The following ANXA13 variants were observed in gnomAD, a reference collection of about 807,000 sequenced individuals.
The protein encoded by ANXA13 is annexin A13.
A neutral mutation model predicts 46.6 loss-of-function variants in ANXA13; 36 were observed. The observed-to-expected ratio is 0.77, with a 90% CI of 0.59 to 1.02. ANXA13 has a LOEUF of 1.02. ANXA13 is among the 50% of genes least tolerant of loss of function. The pLI is 0.00. For synonymous variants in ANXA13, 163 were observed against 152.9 expected (o/e 1.07, Z -0.49); for missense variants, 417 against 396.5 (o/e 1.05, Z -0.44).
At chr8:123,722,932 G>A (rs1225853511) in intron 1 of ANXA13, among the ~76,000 whole-genome samples, 1 of 152,138 alleles carries the variant, frequency 6.6e-6, no homozygotes, top group Non-Finnish European at 1.5e-5. Context: ...AGTAGAGGAG[G>A]GATCATAGCT....
chr8:123,709,701 C>T (rs1813617869), intron 2 of ANXA13, among the ~76,000 whole-genome samples: 3 of 152,170 alleles, frequency 2.0e-5, no homozygotes, highest in African/African-American at 7.2e-5. Context: ...CTCCTGCAGA[C>T]TTGTCAACAT....
chr8:123,723,633 G>A (rs977358632), intron 1 of ANXA13, among the ~76,000 whole-genome samples: 1 of 152,176 alleles, frequency 6.6e-6, no homozygotes, highest in Non-Finnish European at 1.5e-5. Flanking sequence ...CACGGAAATT[G>A]GCAAGCACCA....
intron 1 of ANXA13, among the ~76,000 whole-genome samples, chr8:123,719,313 C>A (rs999232868): frequency 2.0e-5 from 3 of 152,160 alleles, no homozygotes. Flanking sequence ...ATTTTTCCCT[C>A]TCTTTCTCTT....
At chr8:123,732,979 C>G (rs1050308595) in intron 1 of ANXA13, among the ~76,000 whole-genome samples, 1 of 152,038 alleles carries the variant, frequency 6.6e-6, no homozygotes, top group African/African-American at 2.4e-5. Context: ...TTGGGACCAG[C>G]CTGGGCAACA....
rs1813213287 is a variant in ANXA13, at chr8:123,690,464, GC to G, written c.643-1519del. On this transcript the variant is annotated intron_variant, in intron 8 of 10. Coordinates refer to ENST00000419625, the MANE Select transcript of ANXA13 (RefSeq NM_004306.4). This position sits in a 1 kb window ranked among gnomAD's most constrained non-coding sequence, Gnocchi z 4.6. ...CTCCAGGAGGCGCTATTCACACACTGCAACAAGAAGGTACTGCCCTGTCTGC... is the reference window on the plus strand; with the variant it reads ...CTCCAGGAGGCGCTATTCACACACTGAACAAGAAGGTACTGCCCTGTCTGC... Among the ~76,000 whole-genome samples, 1 of 152,154 alleles carries G rather than the reference GC, an allele frequency of 6.6e-6. No individual in the cohort carries two copies. The highest frequency in any genetic ancestry group is 2.1e-4 in the South Asian group (1 of 4,820).
intron 1 of ANXA13, among the ~76,000 whole-genome samples, chr8:123,731,302 T>C (rs1260558257): frequency 6.6e-6 from 1 of 152,160 alleles, no homozygotes; most frequent in African/African-American, 2.4e-5. Flanking sequence ...TTAGAATCAT[T>C]TGGGGAGTTT....
intron 10 of ANXA13, among the ~76,000 whole-genome samples, chr8:123,682,267 A>T (rs1168245513): frequency 4.6e-5 from 7 of 152,270 alleles, no homozygotes; most frequent in Non-Finnish European, 5.9e-5. Context: ...AGGTGCTAGA[A>T]GTGATGATAG....
intron 1 of ANXA13, chr8:123,735,763 G>T: frequency 1.2e-6 from 2 of 1,611,126 alleles, no homozygotes; most frequent in Non-Finnish European, 8.5e-7. Flanking sequence ...ACAGGCTGTG[G>T]GGCCTCTGGC....
Position 123,712,668 on chromosome 8 carries a change from T to C in ANXA13, c.91+10A>G, listed in dbSNP as rs759997274. The C allele has an allele frequency of 3.7e-6, 6 of 1,613,504 alleles. No individual in the cohort carries two copies. The highest frequency in any genetic ancestry group is 2.7e-5 in the African/African-American group (2 of 74,918). Reference sequence around the variant, plus strand: ...TCAGAAGCAAATTAGCAACAAAATATCTCTCATACCCATTCCTTTGCAGGC... The same window carrying C: ...TCAGAAGCAAATTAGCAACAAAATACCTCTCATACCCATTCCTTTGCAGGC... On this transcript the variant is annotated intron_variant, in intron 2 of 10. Transcript: ENST00000419625.
chr8:123,709,355 C>G (rs1469739252), intron 2 of ANXA13, among the ~76,000 whole-genome samples: 1 of 151,716 alleles, frequency 6.6e-6, no homozygotes, highest in African/African-American at 2.4e-5. Context: ...CTTTCTCTCT[C>G]TTCCTCCTTC....
At chr8:123,731,008 T>A (rs965340792) in intron 1 of ANXA13, among the ~76,000 whole-genome samples, 1 of 152,172 alleles carries the variant, frequency 6.6e-6, no homozygotes, top group Non-Finnish European at 1.5e-5. Context: ...CCATAGTCAA[T>A]GCTGAGGCAC....
At chr8:123,700,553 A>G (rs1455244968) in intron 3 of ANXA13, among the ~76,000 whole-genome samples, 1 of 152,222 alleles carries the variant, frequency 6.6e-6, no homozygotes, top group African/African-American at 2.4e-5. Context: ...GAAAGTAAGC[A>G]AATGATTGGC....
intron 1 of ANXA13, among the ~76,000 whole-genome samples, chr8:123,714,045 A>T (rs1264594981): frequency 6.6e-6 from 1 of 152,204 alleles, no homozygotes; most frequent in Non-Finnish European, 1.5e-5. Context: ...TGCTACTGGC[A>T]GTAGCACCGC....
At chr8:123,711,637 T>A (rs1813660407) in intron 2 of ANXA13, 1 of 148,752 alleles carries the variant, frequency 6.7e-6, no homozygotes, top group African/African-American at 2.5e-5. Context: ...TTTTTTGAGA[T>A]GGAGTCTCTC....
chr8:123,737,016 CTTT>C (rs35962046), intron 1 of ANXA13, among the ~76,000 whole-genome samples: 1 of 145,324 alleles, frequency 6.9e-6, no homozygotes, highest in Non-Finnish European at 1.5e-5. Flanking sequence ...ACCTAGCTAA[CTTT>C]TTTTTTTTTT....
At chr8:123,722,520 G>C (rs1414005307) in intron 1 of ANXA13, among the ~76,000 whole-genome samples, 1 of 152,074 alleles carries the variant, frequency 6.6e-6, no homozygotes, top group Non-Finnish European at 1.5e-5. Context: ...AAATATTCTC[G>C]ATGATGAGAA....
intron 2 of ANXA13, among the ~76,000 whole-genome samples, chr8:123,704,070 G>T (rs191674399): frequency 5.1e-4 from 77 of 152,262 alleles, no homozygotes; most frequent in South Asian, 6.2e-4. Flanking sequence ...AATGAAATGC[G>T]AGAATCCAAG....
intron 1 of ANXA13, among the ~76,000 whole-genome samples, chr8:123,721,085 T>G (rs567257818): frequency 3.9e-5 from 6 of 152,320 alleles, no homozygotes; most frequent in Admixed American, 1.3e-4. Context: ...TCTATGAGTT[T>G]GACTATTTTA....
At chr8:123,681,771 C>G (rs1287498269) in intron 10 of ANXA13, among the ~76,000 whole-genome samples, 2 of 151,990 alleles carry the variant, frequency 1.3e-5, no homozygotes, top group Non-Finnish European at 1.5e-5. Flanking sequence ...TTACAGTCAA[C>G]CACCATGCCT....
Sources: allele counts gnomAD v4.1 joint callset (sites outside exome capture counted in the v4.1 genomes callset), GRCh38; gene constraint gnomAD v4.1.1; non-coding constraint Gnocchi (gnomAD v3.1); transcripts MANE v1.5; gene names NCBI Gene and HGNC (gene_info 2026-07-23, HGNC 2026-07-21).